TMTC2: variants seen among roughly 807,000 people sequenced by gnomAD.
TMTC2 encodes protein O-mannosyl-transferase TMTC2.
TMTC2 carries 43 observed loss-of-function variants against 82.4 expected under a neutral mutation model. That is an observed-to-expected ratio of 0.52 (90% CI 0.41 to 0.67). The LOEUF (loss-of-function observed/expected upper bound fraction) is 0.67, where lower values mean the gene tolerates loss of function less well. Ranked by LOEUF, TMTC2 falls within the 30% of genes least tolerant of loss-of-function variation. TMTC2 has a pLI of 0.00. For missense variants in TMTC2, 919 were observed against 1,012.4 expected, an observed-to-expected ratio of 0.91 and a Z score of 1.25; for synonymous variants, 408 against 381.9, an observed-to-expected ratio of 1.07 and a Z score of -0.80.
At chr12:83,076,463 A>C (rs1428531608) in intron 11 of TMTC2, among the ~76,000 whole-genome samples, 4 of 152,214 alleles carry the variant, frequency 2.6e-5, no homozygotes, top group Non-Finnish European at 5.9e-5. Flanking sequence ...AACTGGGACC[A>C]CACACTAAAA....
chr12:82,997,354 A>ATATATATGTGTG (rs1565845039), intron 8 of TMTC2, among the ~76,000 whole-genome samples: 1 of 28,900 alleles, frequency 3.5e-5, no homozygotes, highest in Non-Finnish European at 7.8e-5. Flanking sequence ...GTGTGTATAT[A>ATATATATGTGTG]TATATATATA....
At chr12:82,910,981 C>T (rs896486838) in intron 3 of TMTC2, among the ~76,000 whole-genome samples, 5 of 151,856 alleles carry the variant, frequency 3.3e-5, no homozygotes, top group South Asian at 2.1e-4. Context: ...CCCGGTTTCA[C>T]GCCATTCTCC....
At chr12:82,939,816 G>C (rs888454187) in intron 4 of TMTC2, among the ~76,000 whole-genome samples, 1 of 151,900 alleles carries the variant, frequency 6.6e-6, no homozygotes, top group Non-Finnish European at 1.5e-5. Flanking sequence ...CTTGTTATTT[G>C]TTTCCCACAC....
At chr12:82,807,625 G>A (rs1879305616) in intron 1 of TMTC2, among the ~76,000 whole-genome samples, 1 of 152,044 alleles carries the variant, frequency 6.6e-6, no homozygotes, top group South Asian at 2.1e-4. Flanking sequence ...AATTATATAT[G>A]GTCTTTGACT....
intron 1 of TMTC2, among the ~76,000 whole-genome samples, chr12:82,739,060 A>G (rs992976719): frequency 6.6e-6 from 1 of 151,860 alleles, no homozygotes; most frequent in Non-Finnish European, 1.5e-5. Flanking sequence ...AGGCAGGAGA[A>G]TCACTTGAAC....
chr12:82,847,981 A>G (rs77871746), intron 1 of TMTC2, among the ~76,000 whole-genome samples: 6,311 of 152,184 alleles, frequency 0.041, 465 homozygotes, highest in African/African-American at 0.15. Flanking sequence ...TATTAGATAC[A>G]TATTGAGTAC....
chr12:82,888,812 TATCCCACTG>T (rs1415605504), intron 2 of TMTC2, among the ~76,000 whole-genome samples: 1 of 152,240 alleles, frequency 6.6e-6, no homozygotes, highest in African/African-American at 2.4e-5. Context: ...TGATATTGTA[TATCCCACTG>T]CTGTGCATTT....
chr12:82,822,096 T>C (rs1869151389), intron 1 of TMTC2, among the ~76,000 whole-genome samples: 1 of 152,100 alleles, frequency 6.6e-6, no homozygotes, highest in Non-Finnish European at 1.5e-5. Flanking sequence ...TAATTCTAAC[T>C]GTATGACATT....
At chr12:82,863,854 G>C (rs187030626) in intron 2 of TMTC2, among the ~76,000 whole-genome samples, 3 of 152,252 alleles carry the variant, frequency 2.0e-5, no homozygotes, top group East Asian at 3.9e-4. Flanking sequence ...GTATGAAGTC[G>C]AGAATAGTGC....
chr12:82,756,341 C>A (rs1328651013), intron 1 of TMTC2, among the ~76,000 whole-genome samples: 1 of 152,134 alleles, frequency 6.6e-6, no homozygotes, highest in Non-Finnish European at 1.5e-5. Context: ...AGCAGAGTAG[C>A]TGGGTTATTA....
intron 1 of TMTC2, among the ~76,000 whole-genome samples, chr12:82,739,858 A>ATAGAACCAGTATTG (rs1241240470): frequency 6.6e-6 from 1 of 150,828 alleles, no homozygotes; most frequent in Admixed American, 6.6e-5. Context: ...AGAGTTGACT[A>ATAGAACCAGTATTG]TAGAACCAGT....
rs111680901 is a variant in TMTC2 at position 83,066,331 on chromosome 12, G to T, written c.2331+4500G>T. 7.3e-3 allele frequency among the ~76,000 whole-genome samples: 1,114 copies of T among 151,958 alleles called. 2 individuals are homozygous for T. Among genetic ancestry groups the T allele is most frequent in the Non-Finnish European group, 0.012 (834 of 67,906 alleles). ...TGCTTATAAGTAAGGATTTTAGCAA[G>T]AACAAGGAGAGAATTCTGGCAGGGA... On this transcript the variant is annotated intron_variant, in intron 11 of 11. Coordinates refer to ENST00000321196, the MANE Select transcript of TMTC2 (RefSeq NM_152588.3).
intron 10 of TMTC2, among the ~76,000 whole-genome samples, chr12:83,053,724 A>C (rs192356816): frequency 2.4e-4 from 37 of 152,192 alleles, no homozygotes; most frequent in Admixed American, 1.0e-3. Flanking sequence ...TCTCTGTAGA[A>C]TAAGCTAATA....
chr12:82,997,175 T>TCTCTCTCC (rs150688624), intron 8 of TMTC2, among the ~76,000 whole-genome samples: 20 of 114,546 alleles, frequency 1.7e-4, no homozygotes, highest in Admixed American at 3.2e-4. Flanking sequence ...TCTCTCTCTC[T>TCTCTCTCC]CCCACCCCTC....
intron 1 of TMTC2, among the ~76,000 whole-genome samples, chr12:82,756,523 CA>C (rs1876336279): frequency 6.6e-6 from 1 of 152,178 alleles, no homozygotes. Context: ...TTGGTCACAG[CA>C]TGGGACAAAG....
intron 1 of TMTC2, among the ~76,000 whole-genome samples, chr12:82,774,115 A>G (rs1426534100): frequency 6.6e-6 from 1 of 152,114 alleles, no homozygotes; most frequent in East Asian, 1.9e-4. Flanking sequence ...TAATTTATTC[A>G]GCAGTTTACA....
chr12:83,116,668 G>T (rs1048452311), intron 11 of TMTC2, among the ~76,000 whole-genome samples: 2 of 152,160 alleles, frequency 1.3e-5, no homozygotes, highest in African/African-American at 4.8e-5. Flanking sequence ...GCTTTGATTT[G>T]CATTTCCCTG....
intron 1 of TMTC2, among the ~76,000 whole-genome samples, chr12:82,836,390 T>C (rs1870042779): frequency 6.6e-6 from 1 of 152,162 alleles, no homozygotes; most frequent in South Asian, 2.1e-4. Context: ...ACAAAGATCC[T>C]TATAAGGGAA....
chr12:82,852,544 C>G (rs759333772), intron 1 of TMTC2, among the ~76,000 whole-genome samples: 1 of 152,064 alleles, frequency 6.6e-6, no homozygotes, highest in Non-Finnish European at 1.5e-5. Flanking sequence ...ATCCTGATTC[C>G]TTAGTGCCTT....
Sources: gnomAD v4.1 joint callset for allele counts (sites outside exome capture counted in the v4.1 genomes callset) on GRCh38, gnomAD v4.1.1 for gene constraint, MANE v1.5 for transcripts, NCBI Gene and HGNC (gene_info 2026-07-23, HGNC 2026-07-21) for gene names.